The following ADGRL4 variants were observed in gnomAD, a reference collection of about 807,000 sequenced individuals.
ADGRL4 encodes adhesion G protein-coupled receptor L4, also known as EGF, latrophilin and seven transmembrane domain containing 1.
A neutral mutation model predicts 74.8 loss-of-function variants in ADGRL4; 90 were observed. The ratio of observed to expected loss-of-function variants is 1.20; its 90% confidence interval spans 1.02 to 1.43. ADGRL4 has a LOEUF of 1.43. Ranked by LOEUF, ADGRL4 falls within the 40% of genes most tolerant of loss-of-function variation. ADGRL4 has a pLI of 0.00. For synonymous variants in ADGRL4, 311 were observed against 279.2 expected, an observed-to-expected ratio of 1.11 and a Z score of -1.14; for missense variants, 881 against 814.3, an observed-to-expected ratio of 1.08 and a Z score of -1.00.
intron 2 of ADGRL4, among the ~76,000 whole-genome samples, chr1:78,966,649 C>G (rs766426163): frequency 6.6e-6 from 1 of 152,166 alleles, no homozygotes; most frequent in African/African-American, 2.4e-5. Flanking sequence ...CTCACTCCCC[C>G]TCCTCTTCCA....
At chr1:78,898,093 TA>T (rs950928408) in intron 12 of ADGRL4, among the ~76,000 whole-genome samples, 1 of 151,746 alleles carries the variant, frequency 6.6e-6, no homozygotes. Flanking sequence ...GAAATGAGGT[TA>T]AAAAAAAGGA....
chr1:78,988,848 C>T (rs999294967), intron 2 of ADGRL4, among the ~76,000 whole-genome samples: 5 of 151,754 alleles, frequency 3.3e-5, no homozygotes, highest in Non-Finnish European at 4.4e-5. Flanking sequence ...TCAATCTTTC[C>T]ACCCTGCAAA....
intron 7 of ADGRL4, among the ~76,000 whole-genome samples, chr1:78,927,494 G>A (rs561698044): frequency 1.3e-5 from 2 of 152,188 alleles, no homozygotes; most frequent in Admixed American, 1.3e-4. Flanking sequence ...ATTATCACAG[G>A]CTGATAGAAT....
chr1:78,910,048 T>C (rs754015471), intron 12 of ADGRL4, among the ~76,000 whole-genome samples: 1 of 151,816 alleles, frequency 6.6e-6, no homozygotes, highest in Non-Finnish European at 1.5e-5. Context: ...TAATCAAATA[T>C]ACACACAGCA....
intron 7 of ADGRL4, among the ~76,000 whole-genome samples, chr1:78,933,567 G>C (rs934323895): frequency 1.3e-5 from 2 of 151,242 alleles, no homozygotes; most frequent in Non-Finnish European, 2.9e-5. Flanking sequence ...GTAGTATTGG[G>C]AGTTCTGGCC....
chr1:78,955,987 C>T (rs1311593272), intron 2 of ADGRL4, among the ~76,000 whole-genome samples: 1 of 152,096 alleles, frequency 6.6e-6, no homozygotes, highest in African/African-American at 2.4e-5. Context: ...TGACTCTAGT[C>T]TTTTTCCAGA....
intron 12 of ADGRL4, among the ~76,000 whole-genome samples, chr1:78,905,567 CA>C (rs1287758111): frequency 1.3e-5 from 2 of 152,048 alleles, no homozygotes; most frequent in African/African-American, 4.8e-5. Context: ...AATACAAAAA[CA>C]AACAAATGAG....
intron 2 of ADGRL4, among the ~76,000 whole-genome samples, chr1:78,984,551 T>C (rs900119221): frequency 5.9e-5 from 9 of 151,682 alleles, no homozygotes; most frequent in African/African-American, 2.2e-4. Context: ...CAAAATGTAG[T>C]GTATGCAAGT....
At chr1:78,937,650 T>C (rs1352555) in intron 6 of ADGRL4, among the ~76,000 whole-genome samples, 157 bp downstream of exon 6, 104,827 of 152,098 alleles carry the variant, frequency 0.69, 36,196 homozygotes, top group East Asian at 0.76. Context: ...TCACAATGCT[T>C]TTGCAATATG....
intron 12 of ADGRL4, among the ~76,000 whole-genome samples, chr1:78,908,288 T>C (rs1288022179): frequency 6.6e-6 from 1 of 152,020 alleles, no homozygotes; most frequent in Admixed American, 6.6e-5. Context: ...TACTGTGCTC[T>C]TGGCTAAGTT....
chr1:78,963,121 C>A (rs2100710036), intron 2 of ADGRL4, among the ~76,000 whole-genome samples: 1 of 152,198 alleles, frequency 6.6e-6, no homozygotes, highest in East Asian at 1.9e-4. Context: ...AGAAGATGAA[C>A]AATAAATTCT....
chr1:78,920,142 C>A, intron 10 of ADGRL4, 41 bp downstream of exon 10: 1 of 1,448,300 alleles, frequency 6.9e-7, no homozygotes. Flanking sequence ...AGAAAGTACA[C>A]ATATCATAGG....
intron 2 of ADGRL4, among the ~76,000 whole-genome samples, chr1:78,976,980 C>T (rs569936062): frequency 6.6e-6 from 1 of 151,898 alleles, no homozygotes; most frequent in East Asian, 1.9e-4. Flanking sequence ...TACAAATCTA[C>T]AGACCAATAT....
At chr1:78,920,407 A>G (rs1648972729) in intron 9 of ADGRL4, 21 bp from the exon 10 acceptor site, 3 of 1,452,116 alleles carry the variant, frequency 2.1e-6, no homozygotes, top group Non-Finnish European at 9.5e-7. Flanking sequence ...ATAATAATAA[A>G]GCAGTTAAAA....
intron 7 of ADGRL4, among the ~76,000 whole-genome samples, chr1:78,928,000 T>G (rs1187372442): frequency 6.8e-6 from 1 of 147,322 alleles, no homozygotes; most frequent in Non-Finnish European, 1.5e-5. Context: ...AAATTATGAC[T>G]CCAAAAGATG....
At chr1:79,002,448 A>T (rs1345184307) in intron 2 of ADGRL4, among the ~76,000 whole-genome samples, 1 of 152,112 alleles carries the variant, frequency 6.6e-6, no homozygotes, top group Non-Finnish European at 1.5e-5. Flanking sequence ...TTCATGCCAG[A>T]TATATATCAG....
At chr1:78,908,299 T>C (rs1243709457) in intron 12 of ADGRL4, among the ~76,000 whole-genome samples, 4 of 152,032 alleles carry the variant, frequency 2.6e-5, no homozygotes, top group Non-Finnish European at 5.9e-5. Context: ...TGGCTAAGTT[T>C]AAGGATTTTA....
At chr1:78,928,531 T>C (rs77448150) in intron 7 of ADGRL4, among the ~76,000 whole-genome samples, 1,830 of 151,528 alleles carry the variant, frequency 0.012, 120 homozygotes, top group African/African-American at 0.042. Context: ...CCATTCTTCC[T>C]AATTTTTCTT....
chr1:78,920,187 T>A lies in ADGRL4; in HGVS notation c.1457A>T (p.Asn486Ile), dbSNP rs1469994850. ...VFLVGINTNT[N>I]KLFCSIIAGL... is the part of the protein sequence containing the mutation. Reference sequence around the variant, plus strand: ...GAGATTAGGATGCCTACATACCTTATTAGTATTTGTATTGATCCCAACAAG... The same window carrying A: ...GAGATTAGGATGCCTACATACCTTAATAGTATTTGTATTGATCCCAACAAG... The change falls in exon 10 of 15, where the codon AAT becomes ATT. Residue 486 changes from asparagine (N) to isoleucine (I), a missense_variant. Transcript: ENST00000370742. The A allele has an allele frequency of 5.0e-6, 8 of 1,609,012 alleles. No individual in the cohort carries two copies. The highest frequency in any genetic ancestry group is 6.8e-6 in the Non-Finnish European group (8 of 1,177,024).
Sources: gnomAD v4.1 joint callset for allele counts (sites outside exome capture counted in the v4.1 genomes callset) on GRCh38, gnomAD v4.1.1 for gene constraint, MANE v1.5 for transcripts, NCBI Gene and HGNC (gene_info 2026-07-23, HGNC 2026-07-21) for gene names.